MAGI2: variants seen among roughly 807,000 people sequenced by gnomAD.
MAGI2 encodes the protein membrane associated guanylate kinase, WW and PDZ domain containing 2.
In MAGI2, 35 loss-of-function variants were observed where a neutral mutation model predicts 133.3. That is an observed-to-expected ratio of 0.26 (90% CI 0.20 to 0.35). MAGI2 has a LOEUF of 0.35. Among genes scored for constraint, MAGI2 ranks in the 10% least tolerant of loss-of-function variants. The pLI, the probability that MAGI2 is intolerant of heterozygous loss-of-function variation, is 1.00. For synonymous variants in MAGI2, 729 were observed against 710.6 expected (o/e 1.03, Z -0.41); for missense variants, 1,636 against 1,863.4 (o/e 0.88, Z 2.25).
rs117302397 is a variant in MAGI2, at chr7:78,215,110, G to A, written c.2048-13917C>T. 6.1e-3 allele frequency among the ~76,000 whole-genome samples: 928 copies of A among 152,294 alleles called. 26 individuals are homozygous for A. The highest frequency in any genetic ancestry group is 0.054 in the East Asian group (280 of 5,186). On this transcript the variant is annotated intron_variant, in intron 10 of 21. Coordinates refer to ENST00000354212, the MANE Select transcript of MAGI2 (RefSeq NM_012301.4). ...GTTCTCACAAAAGCAGACCCTGAGA[G>A]GAGGACTTGGGTGACTCTACGAAGC... is the stretch of plus-strand genomic sequence containing the variant.
chr7:79,391,502 TA>T (rs1844609399), intron 1 of MAGI2, among the ~76,000 whole-genome samples: 5 of 50,916 alleles, frequency 9.8e-5, no homozygotes, highest in Admixed American at 4.3e-4. Context: ...TATATATATA[TA>T]TAGACATATA....
rs1037342332 is a variant in MAGI2, at chr7:78,857,160, A to G, written c.418+149930T>C. ...GCTTAAGGAGATTTTGGACTGAGAC[A>G]ATGGGGTTTTCTAAATATACAATCA... On this transcript the variant is annotated intron_variant, in intron 2 of 21. Transcript: ENST00000354212. 7.3e-4 allele frequency among the ~76,000 whole-genome samples: 111 copies of G among 152,136 alleles called. 1 individual carries two copies. The highest frequency in any genetic ancestry group is 2.7e-3 in the African/African-American group (110 of 41,434).
intron 1 of MAGI2, chr7:79,409,942 C>T (rs1028742181): frequency 5.9e-5 from 9 of 151,770 alleles, no homozygotes; most frequent in African/African-American, 2.2e-4. Flanking sequence ...TTAGACATGG[C>T]CAAATATAAA....
chr7:79,060,417 A>G (rs1813619638), intron 1 of MAGI2, among the ~76,000 whole-genome samples: 1 of 152,064 alleles, frequency 6.6e-6, no homozygotes. Flanking sequence ...TAAGTATTGG[A>G]ATATGGATAC....
intron 3 of MAGI2, chr7:78,614,859 A>C (rs1806901685): frequency 6.6e-6 from 1 of 152,214 alleles, no homozygotes; most frequent in South Asian, 2.1e-4. Flanking sequence ...CAAACTTTTG[A>C]ATTTTAATTA....
At chr7:78,051,026 G>C (rs1349625036) in intron 21 of MAGI2, among the ~76,000 whole-genome samples, 1 of 152,208 alleles carries the variant, frequency 6.6e-6, no homozygotes, top group Non-Finnish European at 1.5e-5. Context: ...CCCCCACCTG[G>C]AGCATTGACC....
chr7:79,168,891 T>TATATATATATAG (rs1554392955), intron 1 of MAGI2, among the ~76,000 whole-genome samples: 47 of 5,392 alleles, frequency 8.7e-3, no homozygotes, highest in African/African-American at 0.017. Flanking sequence ...TAAAGATAGA[T>TATATATATATAG]ATATATATAT....
intron 21 of MAGI2, among the ~76,000 whole-genome samples, chr7:78,047,589 T>G (rs1381004647): frequency 6.6e-6 from 1 of 152,230 alleles, no homozygotes. Flanking sequence ...TGTCTCTGCC[T>G]GATTTTCCAC....
intron 3 of MAGI2, among the ~76,000 whole-genome samples, chr7:78,580,767 C>G (rs950380709): frequency 1.2e-4 from 18 of 152,088 alleles, no homozygotes; most frequent in Non-Finnish European, 2.2e-4. Context: ...CTATTTCTAT[C>G]CAACATTTGA....
intron 1 of MAGI2, among the ~76,000 whole-genome samples, chr7:79,100,114 A>G (rs1817848363): frequency 6.6e-6 from 1 of 152,106 alleles, no homozygotes; most frequent in African/African-American, 2.4e-5. Context: ...TGCTTGTATC[A>G]CAACTTATTT....
intron 2 of MAGI2, among the ~76,000 whole-genome samples, chr7:78,866,498 A>G (rs1007215860): frequency 6.6e-6 from 1 of 151,976 alleles, no homozygotes; most frequent in African/African-American, 2.4e-5. Flanking sequence ...TCAAGTTTCT[A>G]TCTCTACCTT....
At chr7:78,927,659 T>C (rs1015654224) in intron 2 of MAGI2, among the ~76,000 whole-genome samples, 3 of 151,922 alleles carry the variant, frequency 2.0e-5, no homozygotes, top group East Asian at 3.9e-4. Flanking sequence ...TTAGCCTTTT[T>C]CCCCTCATTA....
intron 3 of MAGI2, among the ~76,000 whole-genome samples, chr7:78,597,630 C>G (rs911561744): frequency 6.6e-6 from 1 of 152,098 alleles, no homozygotes; most frequent in Non-Finnish European, 1.5e-5. Context: ...GGTAGACTCT[C>G]GAGATACATA....
intron 3 of MAGI2, among the ~76,000 whole-genome samples, chr7:78,574,159 G>A (rs755809657): frequency 3.9e-5 from 6 of 152,158 alleles, no homozygotes; most frequent in Non-Finnish European, 8.8e-5. Context: ...TGAGCTCCAG[G>A]TTTTACCCCA....
chr7:78,916,772 C>T (rs1195897925), intron 2 of MAGI2, among the ~76,000 whole-genome samples: 1 of 152,098 alleles, frequency 6.6e-6, no homozygotes, highest in Non-Finnish European at 1.5e-5. Context: ...GTTAGAATTG[C>T]AGGCTGGAAG....
At chr7:78,900,945 T>C (rs1005454407) in intron 2 of MAGI2, among the ~76,000 whole-genome samples, 7 of 152,142 alleles carry the variant, frequency 4.6e-5, no homozygotes, top group Non-Finnish European at 2.9e-5. Flanking sequence ...TTCAGTTCAT[T>C]GATTAAAACT....
chr7:79,138,756 A>G (rs942936000), intron 1 of MAGI2, among the ~76,000 whole-genome samples: 6 of 152,178 alleles, frequency 3.9e-5, no homozygotes, highest in African/African-American at 1.4e-4. Context: ...CACCTAACCC[A>G]GCACTGTGGG....
chr7:78,618,574 T>C lies in MAGI2; in HGVS notation c.538+8546A>G, dbSNP rs190697852. ...TCTTCCCACTCAAAGGACATGATTT[T>C]TTTCTGGGTGAATTTTTGACGTGTT... On this transcript the variant is annotated intron_variant, in intron 3 of 21. Coordinates refer to ENST00000354212, the MANE Select transcript of MAGI2 (RefSeq NM_012301.4). 2.6e-5 allele frequency: 4 copies of C among 152,034 alleles called. No homozygotes were observed. In the East Asian group the frequency reaches 7.7e-4, roughly 29 times the overall value. The allele number at this position is 152,034 out of a possible 1,614,324, so 9.4% of individuals were successfully genotyped here.
At chr7:78,948,530 A>G (rs1284688718) in intron 2 of MAGI2, among the ~76,000 whole-genome samples, 2 of 152,124 alleles carry the variant, frequency 1.3e-5, no homozygotes, top group Non-Finnish European at 2.9e-5. Flanking sequence ...GACTTTAAGT[A>G]GCCACATCTT....
Sources: gnomAD v4.1 joint callset for allele counts (sites outside exome capture counted in the v4.1 genomes callset) on GRCh38, gnomAD v4.1.1 for gene constraint, MANE v1.5 for transcripts, NCBI Gene and HGNC (gene_info 2026-07-23, HGNC 2026-07-21) for gene names.